Variants in EYA2 observed in about 807,000 individuals in gnomAD.
EYA2 encodes protein phosphatase EYA2.
Under a neutral mutation model 69.2 loss-of-function variants are expected in EYA2, and 31 were observed. That is an observed-to-expected ratio of 0.45 (90% CI 0.34 to 0.60). EYA2 has a LOEUF of 0.60. Among genes scored for constraint, EYA2 ranks in the 20% least tolerant of loss-of-function variants. The pLI is 0.02. For missense variants in EYA2, 622 were observed against 701.2 expected (o/e 0.89, Z 1.28); for synonymous variants, 257 against 279.4 (o/e 0.92, Z 0.80).
At chr20:47,187,365 GA>G (rs996168214) in intron 15 of EYA2, among the ~76,000 whole-genome samples, 26 of 144,718 alleles carry the variant, frequency 1.8e-4, no homozygotes, top group Middle Eastern at 3.4e-3. Context: ...AAGAAAGAAA[GA>G]AAAAAAAAAC....
At chr20:47,053,027 C>T (rs1450139629) in intron 5 of EYA2, among the ~76,000 whole-genome samples, 1 of 152,176 alleles carries the variant, frequency 6.6e-6, no homozygotes, top group Admixed American at 6.5e-5. Flanking sequence ...TCTGGGTCAT[C>T]TTCGTCTCCC....
chr20:47,028,015 T>C (rs997077104), intron 5 of EYA2, among the ~76,000 whole-genome samples: 4 of 152,120 alleles, frequency 2.6e-5, no homozygotes, highest in African/African-American at 9.7e-5. Context: ...ATGAGGCCTT[T>C]GGGAGGTGTT....
At chr20:46,910,290 A>C (rs1387602664) in intron 1 of EYA2, among the ~76,000 whole-genome samples, 1 of 152,134 alleles carries the variant, frequency 6.6e-6, no homozygotes, top group Non-Finnish European at 1.5e-5. Context: ...GGAAGAGAGA[A>C]AGAGGCGGGA....
intron 9 of EYA2, among the ~76,000 whole-genome samples, chr20:47,100,602 G>A (rs2032396630): frequency 6.6e-6 from 1 of 152,216 alleles, no homozygotes. Flanking sequence ...ATCCAAGAAA[G>A]CATGAGAATC....
chr20:47,125,220 A>T (rs928853427), intron 9 of EYA2, among the ~76,000 whole-genome samples: 2 of 151,306 alleles, frequency 1.3e-5, no homozygotes, highest in Admixed American at 1.3e-4. Context: ...TGCCCGGCTA[A>T]TTTTTTTTGT....
At chr20:47,070,523 G>A (rs140279969) in intron 5 of EYA2, among the ~76,000 whole-genome samples, 5 of 152,182 alleles carry the variant, frequency 3.3e-5, no homozygotes, top group Non-Finnish European at 4.4e-5. Flanking sequence ...ACACAACTCT[G>A]TAATTCTACT....
intron 1 of EYA2, among the ~76,000 whole-genome samples, chr20:46,939,601 G>C (rs1018688269): frequency 2.6e-5 from 4 of 151,998 alleles, no homozygotes; most frequent in Non-Finnish European, 5.9e-5. Context: ...ACTAATACAT[G>C]CATCTTCCAG....
intron 9 of EYA2, among the ~76,000 whole-genome samples, chr20:47,118,441 C>T (rs897575904): frequency 2.1e-5 from 3 of 140,100 alleles, no homozygotes; most frequent in African/African-American, 8.0e-5. Flanking sequence ...GTCATTTTGG[C>T]GGGGGTGGGT....
chr20:47,008,183 T>A (rs1000392335), intron 4 of EYA2, among the ~76,000 whole-genome samples: 6 of 152,224 alleles, frequency 3.9e-5, no homozygotes, highest in Admixed American at 3.9e-4. Flanking sequence ...GTCACTCACA[T>A]TGGTTTATTT....
chr20:47,128,704 C>T (rs1002853972), intron 9 of EYA2, among the ~76,000 whole-genome samples: 3 of 152,144 alleles, frequency 2.0e-5, no homozygotes, highest in South Asian at 2.1e-4. Flanking sequence ...TTATTGGCAG[C>T]GTGACCTTGG....
intron 4 of EYA2, among the ~76,000 whole-genome samples, chr20:47,006,737 AG>A (rs1307036821): frequency 3.3e-5 from 5 of 152,270 alleles, no homozygotes; most frequent in African/African-American, 1.2e-4. Context: ...ACCGATGATC[AG>A]GCAGCACTAG....
chr20:47,072,736 CACTT>C (rs918704592), intron 6 of EYA2, among the ~76,000 whole-genome samples: 11 of 152,158 alleles, frequency 7.2e-5, no homozygotes, highest in African/African-American at 1.9e-4. Flanking sequence ...CTCTTGGTGT[CACTT>C]ACAAAGTGAA....
intron 9 of EYA2, among the ~76,000 whole-genome samples, chr20:47,124,331 C>G (rs891997799): frequency 2.0e-5 from 3 of 152,122 alleles, no homozygotes; most frequent in African/African-American, 7.2e-5. Flanking sequence ...AAGATGGAGT[C>G]TTTTTCTAAG....
intron 1 of EYA2, among the ~76,000 whole-genome samples, chr20:46,968,613 A>T (rs1478666099): frequency 6.6e-6 from 1 of 151,914 alleles, no homozygotes; most frequent in African/African-American, 2.4e-5. Context: ...AGCACTTTTG[A>T]CATTTTGGGT....
At chr20:47,089,194 C>T in intron 7 of EYA2, 45 bp from the exon 8 acceptor site, 1 of 1,601,542 alleles carries the variant, frequency 6.2e-7, no homozygotes. Context: ...GAGGAGACAC[C>T]CAGCAAAGCT....
chr20:47,179,410 T>C (rs1308705145), intron 12 of EYA2, among the ~76,000 whole-genome samples: 2 of 139,672 alleles, frequency 1.4e-5, no homozygotes, highest in Non-Finnish European at 3.1e-5. Context: ...GATGGATGGA[T>C]ATTGGGTGGA....
At position 47,072,225 on chromosome 20, in the gene EYA2, C is replaced by T. The variant is rs138204952; in HGVS notation, c.456C>T (p.Asn152=). Residue 152 remains asparagine, a synonymous_variant, in exon 6 of 16, where the codon AAC becomes AAT. Transcript: ENST00000327619. ...ATCAAGGAGGAAATGGACTGGGCAA[C>T]GCAGCCGGTTTCGGGAGTGTGCACC... ...GFYQGGNGLG[N]AAGFGSVHQD... is the part of the protein sequence containing the mutation. 26 of 1,612,880 alleles carry T rather than the reference C, an allele frequency of 1.6e-5. No individual in the cohort carries two copies. Among genetic ancestry groups the T allele is most frequent in the Middle Eastern group, 1.7e-4 (1 of 6,058 alleles).
intron 1 of EYA2, among the ~76,000 whole-genome samples, chr20:46,904,075 A>C (rs1984242619): frequency 6.6e-6 from 1 of 152,174 alleles, no homozygotes; most frequent in African/African-American, 2.4e-5. Context: ...CAGGCCCTGG[A>C]CTCAGACAGA....
Position 47,172,633 on chromosome 20 carries a change from A to G in EYA2, c.1038-74A>G, listed in dbSNP as rs988106194. The G allele has an allele frequency of 4.7e-6, 7 of 1,498,628 alleles. No individual in the cohort carries two copies. The Admixed American group carries it at 1.5e-4, about 31-fold the overall frequency. 92.8% of individuals were successfully genotyped at this position (1,498,628 alleles called of 1,614,324 possible). On this transcript the variant is annotated intron_variant, in intron 11 of 15. Transcript: ENST00000327619. ...AAAAGCCCACCCGTGGGTCCCACAG[A>G]GCCTGTGGTCTCCCAGGGAAGATGC...
Sources: allele counts gnomAD v4.1 joint callset (sites outside exome capture counted in the v4.1 genomes callset), GRCh38; gene constraint gnomAD v4.1.1; transcripts MANE v1.5; gene names NCBI Gene and HGNC (gene_info 2026-07-23, HGNC 2026-07-21).